Variants in RELT observed in about 807,000 individuals in gnomAD.
RELT encodes RELT TNF receptor, also known as tumor necrosis factor receptor superfamily member 19L.
A neutral mutation model predicts 51.1 loss-of-function variants in RELT; 37 were observed. The ratio of observed to expected loss-of-function variants is 0.72; its 90% CI spans 0.56 to 0.95. RELT has a LOEUF of 0.95. Ranked by LOEUF, RELT falls within the 40% of genes least tolerant of loss-of-function variation. RELT has a pLI of 0.00. For synonymous variants in RELT, 241 were observed against 235.7 expected (o/e 1.02, Z -0.21); for missense variants, 535 against 572.6 (o/e 0.93, Z 0.67).
In RELT at chr11:73,394,854, A is replaced by T; in HGVS notation, c.1046+120A>T. 1 of 1,244,816 alleles carries T rather than the reference A, an allele frequency of 8.0e-7. No homozygotes were observed. The highest frequency in any genetic ancestry group is 1.1e-6 in the Non-Finnish European group (1 of 903,934). 77.1% of individuals were successfully genotyped at this position (1,244,816 alleles called of 1,614,324 possible). A position where few individuals can be genotyped will look rare whatever the true frequency, so the allele number is the denominator to read the frequency against. ...CCTGCTCAATGGGAGCCCTGCCCTT[A>T]TTGGGCCTCTCTGGGCAGTGGAGGC... On this transcript the variant is annotated intron_variant, in intron 9 of 10. Coordinates refer to ENST00000064780, the MANE Select transcript of RELT (RefSeq NM_152222.2). This position sits in a 1 kb window ranked among gnomAD's most constrained non-coding sequence, Gnocchi z 4.9.
intron 10 of RELT, 75 bp downstream of exon 10, chr11:73,395,360 C>T: frequency 1.3e-6 from 2 of 1,546,260 alleles, no homozygotes; most frequent in Non-Finnish European, 1.8e-6. Flanking sequence ...GGTGGAAGTG[C>T]AGCGGGCCCT....
chr11:73,394,766 T>TA lies in RELT; in HGVS notation c.1046+35dup, dbSNP rs1439667979. On this transcript the variant is annotated intron_variant, in intron 9 of 10. Transcript: ENST00000064780. This position sits in a 1 kb window ranked among gnomAD's most constrained non-coding sequence, Gnocchi z 4.9. The stretch of plus-strand genomic sequence containing the variant: ...TGGGCACAGATGCAGCAGGGGCAGG[T>TA]AAAGACGTGACAGCCTGGGGGCCGG... 6.3e-7 allele frequency: 1 copy of TA among 1,593,688 alleles called. No individual in the cohort carries two copies. Among genetic ancestry groups the TA allele is most frequent in the Non-Finnish European group, 8.5e-7 (1 of 1,173,232 alleles).
chr11:73,393,966 C>T, intron 7 of RELT, 49 bp downstream of exon 7: 1 of 1,555,482 alleles, frequency 6.4e-7, no homozygotes. Context: ...AGGAGGGTTT[C>T]CTCCAGGAGC....
intron 1 of RELT, among the ~76,000 whole-genome samples, chr11:73,381,421 G>T (rs1024460239): frequency 2.0e-5 from 3 of 152,196 alleles, no homozygotes; most frequent in Non-Finnish European, 4.4e-5. Flanking sequence ...CCTGCTGCAT[G>T]CCTGGCCTCC....
In RELT at chr11:73,395,454, A is replaced by G. The variant is rs769740827; in HGVS notation, c.1256A>G (p.Tyr419Cys). Residue 419 changes from tyrosine (Y) to cysteine (C), a missense_variant, in exon 11 of 11, where the codon TAT becomes TGT. By Grantham distance (194) the Tyr-to-Cys change is radical. Transcript: ENST00000064780. ...ACCCCTGCCCACCAGGAGAACCGCT[A>G]TGTGGTCCGGCTAAGTGAGAGCAAC... ...PAENKAEENR[Y>C]VVRLSESNLV... 6 of 840,096 alleles carry G rather than the reference A, an allele frequency of 7.1e-6. No homozygotes were observed. Among genetic ancestry groups the G allele is most frequent in the Admixed American group, 1.7e-5 (1 of 59,084 alleles). 52.0% of individuals were successfully genotyped at this position (840,096 alleles called of 1,614,324 possible).
intron 6 of RELT, chr11:73,392,976 C>G: frequency 1.0e-6 from 1 of 999,166 alleles, no homozygotes; most frequent in Non-Finnish European, 1.2e-6. Context: ...CACCTTCACC[C>G]CCAGGGCCCC....
chr11:73,378,235 G>A (rs1369038512), intron 1 of RELT, among the ~76,000 whole-genome samples: 4 of 152,196 alleles, frequency 2.6e-5, no homozygotes, highest in Admixed American at 2.6e-4. Flanking sequence ...GGGTGGGGTG[G>A]AAGCTGAGCT....
chr11:73,394,314 C>A lies in RELT; in HGVS notation c.785C>A (p.Ser262Tyr). Reference sequence around the variant, plus strand: ...GTGCAGACGAGCCACAGGCCTGTGTCCAAGTGAGTGGGCTGGTGGGAGATA... The same window carrying A: ...GTGCAGACGAGCCACAGGCCTGTGTACAAGTGAGTGGGCTGGTGGGAGATA... ...QLVQTSHRPV[S>Y]KLPPAPPNVP... The change falls in exon 8 of 11, where the codon TCC (serine) becomes TAC (tyrosine). Residue 262 changes from serine to tyrosine, a missense_variant. Ser to Tyr is a moderately radical substitution (Grantham distance 144). Transcript: ENST00000064780. This position sits in a 1 kb window ranked among gnomAD's most constrained non-coding sequence, Gnocchi z 4.9. 6.2e-7 allele frequency: 1 copy of A among 1,613,124 alleles called. No homozygotes were observed. Among genetic ancestry groups the A allele is most frequent in the South Asian group, 1.1e-5 (1 of 91,020 alleles).
chr11:73,393,728 C>T (rs1465802263), intron 6 of RELT, 109 bp from the exon 7 acceptor site: 10 of 1,560,112 alleles, frequency 6.4e-6, no homozygotes, highest in African/African-American at 1.4e-5. Flanking sequence ...AATGCACATG[C>T]TCAGGGCCCT....
rs374057599 is a variant in RELT at position 73,395,480 on chromosome 11, C to G, written c.1282C>G (p.Leu428Val). The G allele has an allele frequency of 9.5e-5, 76 of 796,902 alleles. No individual in the cohort carries two copies. The highest frequency in any genetic ancestry group is 1.7e-5 in the African/African-American group (1 of 59,384). 49.4% of individuals were successfully genotyped at this position (796,902 alleles called of 1,614,324 possible). The change falls in exon 11 of 11, where the codon CTG becomes GTG. Residue 428 changes from leucine to valine, a missense_variant. By Grantham distance (32) the Leu-to-Val change is conservative. Transcript: ENST00000064780. ...TGTGGTCCGGCTAAGTGAGAGCAACCTGGTCATCTGAGGGGCGGTCTAGTC... is the reference window on the plus strand; with the variant it reads ...TGTGGTCCGGCTAAGTGAGAGCAACGTGGTCATCTGAGGGGCGGTCTAGTC... The part of the protein sequence containing the change: ...RYVVRLSESN[L>V]VI
chr11:73,386,305 G>T (rs1380167867), intron 1 of RELT, among the ~76,000 whole-genome samples: 1 of 152,206 alleles, frequency 6.6e-6, no homozygotes, highest in African/African-American at 2.4e-5. Context: ...GGGCCTCACT[G>T]ACTGCCCAGC....
intron 1 of RELT, among the ~76,000 whole-genome samples, chr11:73,379,830 C>T (rs4996647): frequency 1.3e-5 from 2 of 152,356 alleles, no homozygotes; most frequent in East Asian, 1.9e-4. Context: ...ACTTGCTTTT[C>T]GCCTACAAAG....
At chr11:73,382,035 C>T (rs74788232) in intron 1 of RELT, among the ~76,000 whole-genome samples, 1,846 of 152,234 alleles carry the variant, frequency 0.012, 44 homozygotes, top group African/African-American at 0.042. Context: ...AGGAAGACCC[C>T]GAAACTCAGG....
chr11:73,393,081 A>T, intron 6 of RELT: 1 of 995,060 alleles, frequency 1.0e-6, no homozygotes, highest in Non-Finnish European at 1.2e-6. Flanking sequence ...GCCTGTGGCT[A>T]CCTCAAGAGT....
At chr11:73,381,971 G>A (rs1316065266) in intron 1 of RELT, among the ~76,000 whole-genome samples, 1 of 152,198 alleles carries the variant, frequency 6.6e-6, no homozygotes, top group Non-Finnish European at 1.5e-5. Context: ...TCGTGGAGCT[G>A]TGTTGAGAGC....
At chr11:73,377,972 T>C (rs1865996450) in intron 1 of RELT, among the ~76,000 whole-genome samples, 1 of 152,210 alleles carries the variant, frequency 6.6e-6, no homozygotes, top group African/African-American at 2.4e-5. Context: ...AAAGGCTTCC[T>C]GGTCCTCTGT....
chr11:73,387,086 C>T (rs553403657), intron 1 of RELT, among the ~76,000 whole-genome samples: 67 of 152,050 alleles, frequency 4.4e-4, no homozygotes, highest in Non-Finnish European at 8.8e-4. Flanking sequence ...GCTGGGATTA[C>T]AAGTTGTACC....
At chr11:73,385,202 G>A (rs1338904432) in intron 1 of RELT, among the ~76,000 whole-genome samples, 2 of 152,172 alleles carry the variant, frequency 1.3e-5, no homozygotes, top group Non-Finnish European at 2.9e-5. Flanking sequence ...CTGTAGGGAA[G>A]GGGAGGGCCC....
Position 73,394,409 on chromosome 11 carries a change from C to T in RELT, c.789-68C>T, listed in dbSNP as rs1866271745. 6.2e-7 allele frequency: 1 copy of T among 1,608,946 alleles called. No individual in the cohort carries two copies. Among genetic ancestry groups the T allele is most frequent in the South Asian group, 1.1e-5 (1 of 90,842 alleles). Reference sequence around the variant, plus strand: ...CCCACTTGGGTCTCCCTCAAGTCACCCTGTTCCCTGCTGGGGTCTCCTGCC... The same window carrying T: ...CCCACTTGGGTCTCCCTCAAGTCACTCTGTTCCCTGCTGGGGTCTCCTGCC... On this transcript the variant is annotated intron_variant, in intron 8 of 10. Coordinates refer to ENST00000064780, the MANE Select transcript of RELT (RefSeq NM_152222.2). The surrounding 1 kb of genome is among the most constrained non-coding windows in gnomAD (Gnocchi z 4.9).
Sources: gnomAD v4.1 joint callset for allele counts (sites outside exome capture counted in the v4.1 genomes callset) on GRCh38, gnomAD v4.1.1 for gene constraint, Gnocchi (gnomAD v3.1) non-coding constraint, MANE v1.5 for transcripts, NCBI Gene and HGNC (gene_info 2026-07-23, HGNC 2026-07-21) for gene names.